DHRS2: variants seen among roughly 807,000 people sequenced by gnomAD.
DHRS2 encodes the protein dehydrogenase/reductase 2, also known as dehydrogenase/reductase SDR family member 2, mitochondrial.
A neutral mutation model predicts 26.3 loss-of-function variants in DHRS2; 29 were observed. The ratio of observed to expected loss-of-function variants is 1.10; its 90% confidence interval spans 0.82 to 1.50. The LOEUF (loss-of-function observed/expected upper bound fraction) is 1.50, where lower values mean the gene tolerates loss of function less well. Among genes scored for constraint, DHRS2 ranks in the 40% most tolerant of loss-of-function variants. The pLI is 0.00. For missense variants in DHRS2, 439 were observed against 367.1 expected (o/e 1.20, Z -1.60); for synonymous variants, 164 against 151.3 (o/e 1.08, Z -0.62).
In DHRS2 at chr14:23,630,555, T is replaced by A. The variant is rs189942308; in HGVS notation, c.-39+320T>A. Reference sequence around the variant, plus strand: ...CAAGATCACACAGCTTCTGCTGATATCTCCTTAGTGCTGATGAAAAAGAGT... The same window carrying A: ...CAAGATCACACAGCTTCTGCTGATAACTCCTTAGTGCTGATGAAAAAGAGT... On this transcript the variant is annotated intron_variant, in intron 1 of 6. Transcript: ENST00000432832. Among the ~76,000 whole-genome samples, 317 of 152,352 alleles carry A rather than the reference T, an allele frequency of 2.1e-3. 1 individual carries two copies. The highest frequency in any genetic ancestry group is 7.1e-3 in the African/African-American group (296 of 41,578).
upstream of DHRS2, among the ~76,000 whole-genome samples, chr14:23,631,430 T>C (rs1043156027): frequency 1.3e-5 from 2 of 152,166 alleles, no homozygotes; most frequent in Non-Finnish European, 2.9e-5. Context: ...TGCTTTCAGT[T>C]GGTTGGGGAG....
chr14:23,638,771 T>C (rs895056730), intron 1 of DHRS2, 56 bp from the exon 2 acceptor site: 2 of 1,514,550 alleles, frequency 1.3e-6, no homozygotes, highest in African/African-American at 2.8e-5. Context: ...GGAGGGTAGA[T>C]TACCTTCATG....
chr14:23,639,685 C>T (rs757365230), intron 3 of DHRS2, 109 bp from the exon 4 acceptor site: 18 of 1,245,454 alleles, frequency 1.4e-5, no homozygotes, highest in African/African-American at 3.1e-5. Flanking sequence ...AGGTCATTTT[C>T]CTTTAGGAGC....
rs762432672 is a variant in DHRS2 at position 23,639,785 on chromosome 14, T to A, written c.319-9T>A. 2 of 1,598,598 alleles carry A rather than the reference T, an allele frequency of 1.3e-6. No individual in the cohort carries two copies. The highest frequency in any genetic ancestry group is 1.7e-4 in the Middle Eastern group (1 of 5,992). On this transcript the variant is annotated splice_polypyrimidine_tract_variant and intron_variant, in intron 3 of 8. Coordinates refer to ENST00000250383, the MANE Select transcript of DHRS2 (RefSeq NM_005794.4). ...CCATCTCCACACTCATCCAATCTCC[T>A]CTCCGCAGGCCCTGGAGCACTGTGG...
chr14:23,641,584 C>A, intron 4 of DHRS2: 1 of 1,285,534 alleles, frequency 7.8e-7, no homozygotes, highest in South Asian at 1.2e-5. Context: ...GAGTATTGGA[C>A]AGATATCCTG....
chr14:23,636,692 G>A lies in DHRS2; in HGVS notation c.-119G>A, dbSNP rs1212679667. ...AGACTGTCACCTATCACCAAGTGGT[G>A]AGACTATTGCCAAGCAGTGAGACTA... is the stretch of plus-strand genomic sequence containing the variant. On this transcript the variant is annotated 5_prime_UTR_variant, in exon 1 of 9. Transcript: ENST00000250383. The A allele has an allele frequency of 6.6e-6, 1 of 152,212 alleles. No individual in the cohort carries two copies. The allele number at this position is 152,212 out of a possible 1,614,324, so 9.4% of individuals were successfully genotyped here.
chr14:23,644,164 T>C lies in DHRS2; in HGVS notation c.540+2T>C, dbSNP rs1425340681. On this transcript the variant is annotated splice_donor_variant, in intron 6 of 8. Coordinates refer to ENST00000250383, the MANE Select transcript of DHRS2 (RefSeq NM_005794.4). LOFTEE classifies it high-confidence loss of function. The stretch of plus-strand genomic sequence containing the variant: ...ATTGCAGCTTATAATCCAGTAGTGG[T>C]AAGTGCTTGGTCCTTGTGCTCCTGA... The C allele has an allele frequency of 1.2e-6, 2 of 1,614,024 alleles. No homozygotes were observed. The highest frequency in any genetic ancestry group is 1.7e-6 in the Non-Finnish European group (2 of 1,180,014).
chr14:23,635,558 G>A (rs961848882), upstream of DHRS2, among the ~76,000 whole-genome samples: 54 of 152,210 alleles, frequency 3.5e-4, no homozygotes, highest in African/African-American at 1.1e-3. Context: ...ATTTCCCAAA[G>A]TGATTGTACT....
chr14:23,632,214 G>A (rs1380752777), upstream of DHRS2, among the ~76,000 whole-genome samples: 1 of 152,202 alleles, frequency 6.6e-6, no homozygotes, highest in Non-Finnish European at 1.5e-5. Flanking sequence ...TCAAAAGGGG[G>A]TTAATCTGAG....
chr14:23,641,973 G>C (rs1877123667), intron 4 of DHRS2: 1 of 1,137,104 alleles, frequency 8.8e-7, no homozygotes, highest in Non-Finnish European at 1.1e-6. Context: ...CACTGCCCTA[G>C]CTCCCAGGCT....
chr14:23,644,407 A>T lies in DHRS2; in HGVS notation c.541-2A>T, dbSNP rs1890790866. 6.2e-7 allele frequency: 1 copy of T among 1,613,942 alleles called. No homozygotes were observed. The highest frequency in any genetic ancestry group is 1.3e-5 in the African/African-American group (1 of 74,900). ...TAATCACTCTGTCAATTCCCTTCCC[A>T]GGCGCTGGGTGTCTACAATGTCAGC... On this transcript the variant is annotated splice_acceptor_variant, in intron 6 of 8. Coordinates refer to ENST00000250383, the MANE Select transcript of DHRS2 (RefSeq NM_005794.4). LOFTEE classifies it high-confidence loss of function.
At chr14:23,631,119 T>G (rs1316038714) in intron 1 of DHRS2, among the ~76,000 whole-genome samples, 1 of 152,250 alleles carries the variant, frequency 6.6e-6, no homozygotes, top group Non-Finnish European at 1.5e-5. Flanking sequence ...GAGACAGCTT[T>G]GCAGGGCCAT....
At chr14:23,640,165 TGCTGTCTGCCAGGC>T in intron 4 of DHRS2, 8 of 768,856 alleles carry the variant, frequency 1.0e-5, no homozygotes, top group Non-Finnish European at 1.3e-5. Flanking sequence ...AGGTATTTAT[TGCTGTCTGCCAGGC>T]ACCACTATTC....
At chr14:23,641,383 GCGCC>G (rs1890660779) in intron 4 of DHRS2, 1 of 258,894 alleles carries the variant, frequency 3.9e-6, no homozygotes, top group South Asian at 4.6e-5. Context: ...ACTCCAGCGT[GCGCC>G]CTCTTTCAGG....
chr14:23,632,230 A>G (rs1215856700), upstream of DHRS2, among the ~76,000 whole-genome samples: 1 of 152,232 alleles, frequency 6.6e-6, no homozygotes, highest in African/African-American at 2.4e-5. Context: ...CTGAGCTCGC[A>G]GCAGAAGGAG....
intron 1 of DHRS2, among the ~76,000 whole-genome samples, chr14:23,631,061 C>G (rs1890105013): frequency 6.6e-6 from 1 of 152,068 alleles, no homozygotes; most frequent in Non-Finnish European, 1.5e-5. Flanking sequence ...CAGGAAAAGA[C>G]CTGGAAAGAG....
At chr14:23,643,060 G>A (rs1594247971) in intron 4 of DHRS2, 92 bp from the exon 5 acceptor site, 10 of 1,310,400 alleles carry the variant, frequency 7.6e-6, no homozygotes, top group African/African-American at 2.9e-5. Context: ...TGGGTCTACT[G>A]CACAAATTAC....
chr14:23,640,586 G>A (rs17095396), intron 4 of DHRS2: 16,258 of 283,610 alleles, frequency 0.057, 2,863 homozygotes, highest in African/African-American at 0.35. Flanking sequence ...GCCAGAATGC[G>A]TCGTGATGAA....
rs1402194359 is a variant in DHRS2, at chr14:23,644,846, T to C, written c.695T>C (p.Leu232Pro). ...GCCCAGTTTCATGGGAATGAGTCTCTCTGGAAGAACTTCAAGGAACATCAT... is the reference window on the plus strand; with the variant it reads ...GCCCAGTTTCATGGGAATGAGTCTCCCTGGAAGAACTTCAAGGAACATCAT... ...FSKVFHGNES[L>P]WKNFKEHHQL... The change falls in exon 8 of 9, where the codon CTC becomes CCC. Residue 232 changes from leucine to proline, a missense_variant. Coordinates refer to ENST00000250383, the MANE Select transcript of DHRS2 (RefSeq NM_005794.4). 7.4e-6 allele frequency: 12 copies of C among 1,614,102 alleles called. No individual in the cohort carries two copies. Among genetic ancestry groups the C allele is most frequent in the Non-Finnish European group, 9.3e-6 (11 of 1,180,046 alleles).
Sources: allele counts gnomAD v4.1 joint callset (sites outside exome capture counted in the v4.1 genomes callset), GRCh38; gene constraint gnomAD v4.1.1; transcripts MANE v1.5; gene names NCBI Gene and HGNC (gene_info 2026-07-23, HGNC 2026-07-21).